CR1: variants seen among roughly 807,000 people sequenced by gnomAD.
CR1 encodes the protein complement receptor type 1.
CR1 carries 116 observed loss-of-function variants against 187.3 expected under a neutral mutation model. The ratio of observed to expected loss-of-function variants is 0.62; its 90% CI spans 0.53 to 0.72. The LOEUF (loss-of-function observed/expected upper bound fraction) is 0.72. CR1 is among the 30% of genes least tolerant of loss of function. The pLI is 0.00. For missense variants in CR1, 1,731 were observed against 2,110.7 expected (o/e 0.82, Z 3.52); for synonymous variants, 576 against 747.1 (o/e 0.77, Z 3.73).
rs866458854 is a variant in CR1, at chr1:207,618,141, G to A, written c.6960G>A (p.Gly2320=). ...GACACGTATCTCTATATCTTCCTGG[G>A]ATGACAATCAGCTACATTTGTGACC... is the stretch of plus-strand genomic sequence containing the variant. ...IGGHVSLYLP[G]MTISYICDPG... is the part of the protein sequence containing the mutation. The change falls in exon 42 of 47, where the codon GGG becomes GGA. Residue 2320 remains glycine (G), a synonymous_variant. Coordinates refer to ENST00000367049, the MANE Select transcript of CR1 (RefSeq NM_000651.6). The A allele has an allele frequency of 6.2e-7, 1 of 1,613,962 alleles. No individual in the cohort carries two copies.
chr1:207,587,246 T>A (rs1024062358), intron 33 of CR1, 140 bp from the exon 34 acceptor site: 2 of 716,012 alleles, frequency 2.8e-6, no homozygotes, highest in African/African-American at 3.6e-5. Flanking sequence ...CAAGGTAACA[T>A]CAAGGAGAAG....
At position 207,639,599 on chromosome 1, in the gene CR1, C is replaced by T. The variant is rs1662919702; in HGVS notation, c.*190C>T. ...AAAGCTCCTGCCTCTTTGTGTGCGT[C>T]ACTGTGAAACCCCCACCCTTCTGCC... is the stretch of plus-strand genomic sequence containing the variant. On this transcript the variant is annotated 3_prime_UTR_variant, in exon 47 of 47. Transcript: ENST00000367049. The T allele has an allele frequency of 1.7e-6, 1 of 574,894 alleles. No individual in the cohort carries two copies. Among genetic ancestry groups the T allele is most frequent in the Non-Finnish European group, 3.1e-6 (1 of 323,164 alleles). 35.6% of individuals were successfully genotyped at this position (574,894 alleles called of 1,614,324 possible).
intron 4 of CR1, among the ~76,000 whole-genome samples, chr1:207,517,574 T>C (rs1170028377): frequency 6.6e-6 from 1 of 152,178 alleles, no homozygotes; most frequent in African/African-American, 2.4e-5. Flanking sequence ...CTGGAACAAT[T>C]TGTGTAACAT....
chr1:207,588,911 A>G, intron 35 of CR1, 137 bp downstream of exon 35: 1 of 621,132 alleles, frequency 1.6e-6, no homozygotes, highest in Non-Finnish European at 2.8e-6. Context: ...GATGGAGATG[A>G]TACGTTGGAC....
At chr1:207,606,437 A>G (rs1164645005) in intron 35 of CR1, 2 of 152,242 alleles carry the variant, frequency 1.3e-5, no homozygotes, top group Non-Finnish European at 2.9e-5. Context: ...TCTTTGCTAC[A>G]AATGGTTACT....
chr1:207,628,732 C>A (rs991242844), intron 45 of CR1, among the ~76,000 whole-genome samples: 1 of 152,104 alleles, frequency 6.6e-6, no homozygotes, highest in Non-Finnish European at 1.5e-5. Flanking sequence ...TAGTACAAAC[C>A]TAAAGTATTT....
intron 38 of CR1, 42 bp from the exon 39 acceptor site, chr1:207,611,897 C>T: frequency 6.2e-7 from 1 of 1,613,858 alleles, no homozygotes; most frequent in Non-Finnish European, 8.5e-7. Context: ...TTTTCCCCTT[C>T]ACATGGAGGA....
chr1:207,594,036 A>T (rs1259684296), intron 35 of CR1, among the ~76,000 whole-genome samples: 1 of 152,186 alleles, frequency 6.6e-6, no homozygotes, highest in East Asian at 1.9e-4. Flanking sequence ...ATTGTGGATG[A>T]CAGTGTGGTG....
rs1446364125 is a variant in CR1 at position 207,505,951 on chromosome 1, C to A, written c.169C>A (p.Leu57Ile). Residue 57 changes from leucine (L) to isoleucine (I), a missense_variant, in exon 2 of 47, where the codon CTA becomes ATA. This residue lies in a region of CR1 where 237 missense variants were observed against 240.4 expected (regional missense o/e 0.99). Transcript: ENST00000367049. ...EWLPFARPTNLTDEFEFPIGT... is the reference protein window; with the variant it reads ...EWLPFARPTNITDEFEFPIGT... ...GCTTCCATTTGCCAGGCCTACCAAC[C>A]TAACTGATGAATTTGAGTTTCCCAT... The A allele has an allele frequency of 1.3e-5, 21 of 1,613,880 alleles. No homozygotes were observed. Among genetic ancestry groups the A allele is most frequent in the South Asian group, 2.2e-5 (2 of 91,090 alleles).
In CR1 at chr1:207,567,940, G is replaced by A; in HGVS notation, c.4069G>A (p.Gly1357Arg). Residue 1357 changes from glycine to arginine, a missense_variant, in exon 25 of 47, where the codon GGG becomes AGG. Coordinates refer to ENST00000367049, the MANE Select transcript of CR1 (RefSeq NM_000651.6). ...NYTCDPHPDR[G>R]TSFDLIGEST... ...CACATGCGACCCCCACCCAGACAGAGGGACGAGCTTCGACCTCATTGGAGA... is the reference window on the plus strand; with the variant it reads ...CACATGCGACCCCCACCCAGACAGAAGGACGAGCTTCGACCTCATTGGAGA... 6.2e-7 allele frequency: 1 copy of A among 1,610,558 alleles called. No homozygotes were observed.
In CR1 at chr1:207,630,583, T is replaced by C. The variant is rs374779966; in HGVS notation, c.7419T>C (p.Val2473=). 32 of 1,611,088 alleles carry C rather than the reference T, an allele frequency of 2.0e-5. No individual in the cohort carries two copies. Among genetic ancestry groups the C allele is most frequent in the Non-Finnish European group, 2.7e-5 (32 of 1,178,816 alleles). ...IHLHSQGGSS[V]HPRTLQTNEE... ...TACATTCTCAAGGAGGCAGCAGCGT[T>C]CATCCCCGAACTCTGCAAACAAATG... The change falls in exon 46 of 47, where the codon GTT becomes GTC. Residue 2473 remains valine, a synonymous_variant. Coordinates refer to ENST00000367049, the MANE Select transcript of CR1 (RefSeq NM_000651.6).
At chr1:207,627,299 C>T (rs550199710) in intron 45 of CR1, among the ~76,000 whole-genome samples, 1 of 152,264 alleles carries the variant, frequency 6.6e-6, no homozygotes, top group Admixed American at 6.5e-5. Context: ...TTTATTCTCT[C>T]TCTCCCTCCA....
At chr1:207,611,057 A>G (rs1032311803) in intron 37 of CR1, among the ~76,000 whole-genome samples, 15 of 151,332 alleles carry the variant, frequency 9.9e-5, no homozygotes, top group African/African-American at 3.6e-4. Context: ...TGTACCCATT[A>G]ACTGTCCCCA....
intron 4 of CR1, among the ~76,000 whole-genome samples, chr1:207,515,219 A>T (rs112750491): frequency 3.4e-4 from 44 of 131,064 alleles, no homozygotes; most frequent in African/African-American, 1.6e-3. Flanking sequence ...AGGTATATAC[A>T]TATATATACG....
In CR1 at chr1:207,578,099, T is replaced by C; in HGVS notation, c.4832T>C (p.Val1611Ala). The C allele has an allele frequency of 3.7e-6, 6 of 1,611,656 alleles. No homozygotes were observed. The highest frequency in any genetic ancestry group is 1.3e-5 in the African/African-American group (1 of 74,900). Reference sequence around the variant, plus strand: ...AGAAGCTTATTTTCCTTAAATGAAGTTGTGGAGTTTAGGTGTCAGCCTGGC... The same window carrying C: ...AGAAGCTTATTTTCCTTAAATGAAGCTGTGGAGTTTAGGTGTCAGCCTGGC... ...DNRSLFSLNEVVEFRCQPGFV... is the reference protein window; with the variant it reads ...DNRSLFSLNEAVEFRCQPGFV... Residue 1611 changes from valine to alanine, a missense_variant, in exon 29 of 47, where the codon GTT becomes GCT. By Grantham distance (64) the Val-to-Ala change is moderately conservative. This residue lies in a region of CR1 where 1,312 missense variants were observed against 1,379.6 expected (regional missense o/e 0.95). Transcript: ENST00000367049.
In CR1 at chr1:207,617,507, ATGTGTG is replaced by A. The variant is rs1167357538; in HGVS notation, c.6890-538_6890-533del. ...AGTATATATATATATATATATATAT[ATGTGTG>A]TGTGTGTGTGTGTGTGTGTGTGTGT... On this transcript the variant is annotated intron_variant, in intron 41 of 46. Coordinates refer to ENST00000367049, the MANE Select transcript of CR1 (RefSeq NM_000651.6). Among the ~76,000 whole-genome samples the A allele has an allele frequency of 4.1e-3, 194 of 47,028 alleles. 17 individuals carry two copies. Among genetic ancestry groups the A allele is most frequent in the Non-Finnish European group, 4.9e-3 (102 of 20,668 alleles). The allele number at this position is 47,028 out of a possible 152,430, so 30.9% of individuals were successfully genotyped here. A position where few individuals can be genotyped will look rare whatever the true frequency, so the allele number is the denominator to read the frequency against.
chr1:207,611,900 A>G, intron 38 of CR1, 39 bp from the exon 39 acceptor site: 3 of 1,613,848 alleles, frequency 1.9e-6, no homozygotes, highest in Non-Finnish European at 1.7e-6. Context: ...TCCCCTTCAC[A>G]TGGAGGACTT....
In CR1 at chr1:207,630,587, C is replaced by T. The variant is rs749007160; in HGVS notation, c.7423C>T (p.Pro2475Ser). The change falls in exon 46 of 47, where the codon CCC becomes TCC. Residue 2475 changes from proline to serine, a missense_variant. This residue lies in a region of CR1 where 1,312 missense variants were observed against 1,379.6 expected (regional missense o/e 0.95). Coordinates refer to ENST00000367049, the MANE Select transcript of CR1 (RefSeq NM_000651.6). The stretch of plus-strand genomic sequence containing the variant: ...TTCTCAAGGAGGCAGCAGCGTTCAT[C>T]CCCGAACTCTGCAAACAAATGAAGA... ...LHSQGGSSVH[P>S]RTLQTNEENS... The T allele has an allele frequency of 6.2e-7, 1 of 1,609,760 alleles. No homozygotes were observed. The highest frequency in any genetic ancestry group is 8.5e-7 in the Non-Finnish European group (1 of 1,178,264).
At chr1:207,588,423 G>A (rs1213177793) in intron 34 of CR1, among the ~76,000 whole-genome samples, 2 of 152,082 alleles carry the variant, frequency 1.3e-5, no homozygotes, top group South Asian at 2.1e-4. Context: ...TGCCGGCCTC[G>A]GCCTCCCAAA....
Sources: allele counts gnomAD v4.1 joint callset (sites outside exome capture counted in the v4.1 genomes callset), GRCh38; gene constraint gnomAD v4.1.1; regional missense constraint gnomAD v4.1.1; transcripts MANE v1.5; gene names NCBI Gene and HGNC (gene_info 2026-07-23, HGNC 2026-07-21).